The following BLTP2 variants were observed in gnomAD, a reference collection of about 807,000 sequenced individuals.
The protein encoded by BLTP2 is U937-associated antigen.
At chr17:28,624,120 A>G in the BLTP2 span, 2 of 1,419,870 alleles carry the variant, frequency 1.4e-6, no homozygotes, top group Non-Finnish European at 1.9e-6. Context: ...TACCTATGAG[A>G]AGGCCAAATT....
the BLTP2 span, among the ~76,000 whole-genome samples, chr17:28,625,590 A>C: frequency 6.6e-6 from 1 of 152,158 alleles, no homozygotes; most frequent in African/African-American, 2.4e-5. Context: ...CTCAGGCTCT[A>C]TTTCTGATAT....
At chr17:28,620,621 T>A in the BLTP2 span, 1 of 1,613,714 alleles carries the variant, frequency 6.2e-7, no homozygotes, top group East Asian at 2.2e-5. Flanking sequence ...GGTGAAGGTA[T>A]CCACAGCCCC....
At chr17:28,615,935 C>T in the BLTP2 span, 1 of 1,092,386 alleles carries the variant, frequency 9.2e-7, no homozygotes, top group South Asian at 1.5e-5. Context: ...CTTACCTCAG[C>T]CTCGTAATGA....
At chr17:28,632,973 G>A in the BLTP2 span, 2 of 1,550,998 alleles carry the variant, frequency 1.3e-6, no homozygotes, top group Non-Finnish European at 1.7e-6. Context: ...CCATCTTGAT[G>A]GAGAGATTGA....
the BLTP2 span, chr17:28,643,068 C>T: frequency 6.4e-7 from 1 of 1,550,608 alleles, no homozygotes; most frequent in South Asian, 1.1e-5. Flanking sequence ...AGGGGCAGCT[C>T]TTAGCATTAT....
chr17:28,614,916 A>G, the BLTP2 span: 2 of 716,870 alleles, frequency 2.8e-6, no homozygotes, highest in South Asian at 1.8e-5. Flanking sequence ...CATGCCCTGC[A>G]GCGAACAGAC....
At chr17:28,630,503 C>T in the BLTP2 span, among the ~76,000 whole-genome samples, 215 of 121,632 alleles carry the variant, frequency 1.8e-3, 1 homozygote, top group African/African-American at 6.0e-3. Context: ...ATTTTGGAGA[C>T]AGCATCTTGC....
the BLTP2 span, chr17:28,631,673 C>G: frequency 6.2e-7 from 1 of 1,614,148 alleles, no homozygotes. Context: ...CGCCGCATCA[C>G]TGTGCCTGCT....
the BLTP2 span, among the ~76,000 whole-genome samples, chr17:28,618,567 C>G: frequency 6.6e-6 from 1 of 152,046 alleles, no homozygotes; most frequent in Non-Finnish European, 1.5e-5. Context: ...TTACTCTCCC[C>G]CTATGGCATC....
the BLTP2 span, among the ~76,000 whole-genome samples, chr17:28,629,604 A>G: frequency 6.6e-6 from 1 of 152,148 alleles, no homozygotes; most frequent in African/African-American, 2.4e-5. Flanking sequence ...CAGCCTCCCG[A>G]GTAGCTCGGA....
the BLTP2 span, among the ~76,000 whole-genome samples, chr17:28,625,397 A>C: frequency 3.3e-5 from 5 of 150,318 alleles, no homozygotes; most frequent in Non-Finnish European, 7.4e-5. Flanking sequence ...AAAATGGAAA[A>C]ATACATAAAA....
the BLTP2 span, chr17:28,639,811 GA>G: frequency 6.6e-7 from 1 of 1,526,496 alleles, no homozygotes; most frequent in Non-Finnish European, 9.1e-7. Context: ...GTTACACTGA[GA>G]TTAGATTAAG....
At chr17:28,637,557 C>T in the BLTP2 span, among the ~76,000 whole-genome samples, 5 of 152,296 alleles carry the variant, frequency 3.3e-5, no homozygotes, top group African/African-American at 7.2e-5. Flanking sequence ...TCAAGCATCT[C>T]GTGCCTCTAA....
At chr17:28,644,253 G>C in the BLTP2 span, 2 of 1,559,188 alleles carry the variant, frequency 1.3e-6, no homozygotes, top group South Asian at 2.3e-5. Flanking sequence ...ACCCCTTGCT[G>C]GTCTTTCAAA....
At chr17:28,635,048 A>G in the BLTP2 span, 2 of 1,613,550 alleles carry the variant, frequency 1.2e-6, no homozygotes, top group Non-Finnish European at 1.7e-6. Flanking sequence ...CCCTTCAGCC[A>G]CTTCTGAACT....
At chr17:28,634,130 C>A in the BLTP2 span, 3 of 1,550,786 alleles carry the variant, frequency 1.9e-6, no homozygotes, top group Non-Finnish European at 2.7e-6. Context: ...CAGGGGCAGT[C>A]TGAGCACTCT....
At chr17:28,621,029 A>G in the BLTP2 span, 5 of 1,614,186 alleles carry the variant, frequency 3.1e-6, no homozygotes, top group Non-Finnish European at 4.2e-6. Flanking sequence ...CTGGTTCTCA[A>G]GAACTTCAGG....
the BLTP2 span, chr17:28,643,171 A>G: frequency 6.2e-7 from 1 of 1,614,224 alleles, no homozygotes; most frequent in South Asian, 1.1e-5. Context: ...CACTTGGCAG[A>G]AGATCTTCAA....
chr17:28,642,310 T>C, the BLTP2 span: 3 of 1,614,190 alleles, frequency 1.9e-6, no homozygotes, highest in Non-Finnish European at 2.5e-6. Flanking sequence ...CTGTTGATCT[T>C]ACATAAGCTC....
Sources: gnomAD v4.1 joint callset for allele counts (sites outside exome capture counted in the v4.1 genomes callset) on GRCh38, gnomAD v4.1.1 for gene constraint, MANE v1.5 for transcripts, NCBI Gene and HGNC (gene_info 2026-07-23, HGNC 2026-07-21) for gene names.